FAT4: variants seen among roughly 807,000 people sequenced by gnomAD.
The protein encoded by FAT4 is FAT atypical cadherin 4, also known as protocadherin Fat 4.
A neutral mutation model predicts 303.9 loss-of-function variants in FAT4; 84 were observed. That is an observed-to-expected ratio of 0.28 (90% CI 0.23 to 0.33). FAT4 has a LOEUF of 0.33. Among genes scored for constraint, FAT4 ranks in the 10% least tolerant of loss-of-function variants. The pLI, the probability that FAT4 is intolerant of heterozygous loss-of-function variation, is 1.00. For missense variants in FAT4, 6,005 were observed against 6,146.8 expected (o/e 0.98, Z 0.77); for synonymous variants, 2,307 against 2,298.8 (o/e 1.00, Z -0.10).
intron 11 of FAT4, among the ~76,000 whole-genome samples, chr4:125,465,316 G>C (rs561381067): frequency 2.6e-5 from 4 of 152,270 alleles, no homozygotes; most frequent in South Asian, 4.1e-4. Context: ...CACAACTTGA[G>C]ATGTCCAAAA....
At chr4:125,357,417 A>C (rs78188548) in intron 2 of FAT4, among the ~76,000 whole-genome samples, 1 of 152,254 alleles carries the variant, frequency 6.6e-6, no homozygotes, top group African/African-American at 2.4e-5. Context: ...GGATAGATTT[A>C]TACCTTAACC....
rs1033380981 is a variant in FAT4 at position 125,315,283 on chromosome 4, C to A, written c.-707C>A. Among the ~76,000 whole-genome samples the A allele has an allele frequency of 2.0e-4, 31 of 152,100 alleles. No individual in the cohort carries two copies. The highest frequency in any genetic ancestry group is 7.0e-4 in the African/African-American group (29 of 41,434). On this transcript the variant is annotated 5_prime_UTR_variant, in exon 1 of 18. Transcript: ENST00000394329. ...AGCCCAGCGCCGACTTCGCCGCCTC[C>A]GCTGCCAACTGTGAAGGAGAGAGAG...
intron 2 of FAT4, among the ~76,000 whole-genome samples, chr4:125,351,179 C>T (rs886906900): frequency 1.3e-5 from 2 of 151,580 alleles, no homozygotes; most frequent in Non-Finnish European, 3.0e-5. Flanking sequence ...CATTCAAATG[C>T]AATTGATCAT....
chr4:125,378,925 A>G (rs1258850618), intron 2 of FAT4, among the ~76,000 whole-genome samples: 3 of 152,114 alleles, frequency 2.0e-5, no homozygotes, highest in Non-Finnish European at 4.4e-5. Flanking sequence ...TTATTGTAAA[A>G]CATTTATGAA....
chr4:125,363,036 A>G (rs1271830115), intron 2 of FAT4: 2 of 152,198 alleles, frequency 1.3e-5, no homozygotes, highest in Non-Finnish European at 2.9e-5. Context: ...TCATTTGAAA[A>G]AAAAAATTTA....
Position 125,451,307 on chromosome 4 carries a change from T to C in FAT4, c.10297T>C (p.Ser3433Pro). ...TGTGACCTTTGTCAGTGCCTTTGAC[T>C]CAGACTCCATCCCCAGCTGGAGCAG... ...THVTFVSAFD[S>P]DSIPSWSRFS... Residue 3433 changes from serine (S) to proline (P), a missense_variant, in exon 10 of 18, where the codon TCA becomes CCA. By Grantham distance (74) the Ser-to-Pro change is moderately conservative (BLOSUM62 -1). Transcript: ENST00000394329. The C allele has an allele frequency of 8.7e-6, 14 of 1,614,152 alleles. No homozygotes were observed. Among genetic ancestry groups the C allele is most frequent in the Non-Finnish European group, 1.2e-5 (14 of 1,180,022 alleles).
intron 10 of FAT4, among the ~76,000 whole-genome samples, chr4:125,461,216 A>G (rs908836548): frequency 2.0e-5 from 3 of 152,068 alleles, no homozygotes; most frequent in African/African-American, 7.2e-5. Context: ...AAAATATTTT[A>G]TACAGGGTTA....
chr4:125,335,265 G>T (rs1437918362), intron 2 of FAT4, among the ~76,000 whole-genome samples: 1 of 152,072 alleles, frequency 6.6e-6, no homozygotes, highest in South Asian at 2.1e-4. Flanking sequence ...AAGAAATTTT[G>T]TTGCTCAGCA....
chr4:125,491,017 A>C lies in FAT4; in HGVS notation c.14201A>C (p.Glu4734Ala). The change falls in exon 18 of 18, where the codon GAA (glutamate) becomes GCA (alanine). Residue 4734 changes from glutamate (E) to alanine (A), a missense_variant. Transcript: ENST00000394329. ...HLPIRDGNTLEMHGDTCQPGI... is the reference protein window; with the variant it reads ...HLPIRDGNTLAMHGDTCQPGI... ...CCTATAAGGGATGGTAATACTTTGG[A>C]AATGCATGGTGACACCTGCCAACCT... 6.2e-7 allele frequency: 1 copy of C among 1,614,188 alleles called. No homozygotes were observed. The highest frequency in any genetic ancestry group is 8.5e-7 in the Non-Finnish European group (1 of 1,180,026).
At chr4:125,458,527 T>C (rs1026428451) in intron 10 of FAT4, among the ~76,000 whole-genome samples, 3 of 151,950 alleles carry the variant, frequency 2.0e-5, no homozygotes, top group Admixed American at 2.0e-4. Context: ...GTGGCTCATG[T>C]AAGAGACAAT....
In FAT4 at chr4:125,490,030, T is replaced by G. The variant is rs531598470; in HGVS notation, c.13214T>G (p.Ile4405Ser). The change falls in exon 18 of 18, where the codon ATT (isoleucine) becomes AGT (serine). Residue 4405 changes from isoleucine to serine, a missense_variant. By Grantham distance (142) the Ile-to-Ser change is moderately radical. Coordinates refer to ENST00000394329, the MANE Select transcript of FAT4 (RefSeq NM_001291303.3). ...AAGATTGGCTGCCGTGGCCCGAACA[T>G]TTGTGCCAGCAACCCCTGCTGGGGT... ...SVKIGCRGPN[I>S]CASNPCWGDL... 6.2e-7 allele frequency: 1 copy of G among 1,613,884 alleles called. No individual in the cohort carries two copies. Among genetic ancestry groups the G allele is most frequent in the East Asian group, 2.2e-5 (1 of 44,836 alleles).
At position 125,491,721 on chromosome 4, in the gene FAT4, A is replaced by G. The variant is rs1429246335; in HGVS notation, c.14905A>G (p.Thr4969Ala). 3.7e-6 allele frequency: 6 copies of G among 1,613,962 alleles called. No homozygotes were observed. Among genetic ancestry groups the G allele is most frequent in the Middle Eastern group, 1.6e-4 (1 of 6,084 alleles). The change falls in exon 18 of 18, where the codon ACA (threonine) becomes GCA (alanine). Residue 4969 changes from threonine to alanine, a missense_variant. Coordinates refer to ENST00000394329, the MANE Select transcript of FAT4 (RefSeq NM_001291303.3). ...AAANEEGKAGTTKPVPKDGEA... is the reference protein window; with the variant it reads ...AAANEEGKAGATKPVPKDGEA... Reference sequence around the variant, plus strand: ...AGCAAATGAAGAAGGCAAAGCTGGGACAACTAAACCAGTCCCCAAAGATGG... The same window carrying G: ...AGCAAATGAAGAAGGCAAAGCTGGGGCAACTAAACCAGTCCCCAAAGATGG...
chr4:125,382,945 C>T (rs1292901201), intron 2 of FAT4, among the ~76,000 whole-genome samples: 2 of 152,202 alleles, frequency 1.3e-5, no homozygotes, highest in African/African-American at 4.8e-5. Context: ...TAGCTTCCAA[C>T]TTTTCTTCTG....
intron 2 of FAT4, among the ~76,000 whole-genome samples, chr4:125,374,598 C>T (rs764776457): frequency 1.2e-4 from 19 of 152,168 alleles, no homozygotes; most frequent in South Asian, 2.1e-4. Flanking sequence ...CAAAGTTTTC[C>T]CTTTAAAGGG....
intron 2 of FAT4, among the ~76,000 whole-genome samples, chr4:125,395,856 A>G (rs1734149807): frequency 6.6e-6 from 1 of 152,150 alleles, no homozygotes; most frequent in African/African-American, 2.4e-5. Context: ...ACTAAAGCAA[A>G]AAGAAAGACT....
intron 3 of FAT4, among the ~76,000 whole-genome samples, chr4:125,399,838 A>C (rs893177235): frequency 1.3e-5 from 2 of 152,022 alleles, no homozygotes; most frequent in African/African-American, 4.8e-5. Context: ...TGTTTAGTAC[A>C]TTCTACTCAA....
chr4:125,425,516 G>A (rs1725057153), intron 7 of FAT4, among the ~76,000 whole-genome samples: 1 of 152,044 alleles, frequency 6.6e-6, no homozygotes, highest in Admixed American at 6.6e-5. Flanking sequence ...AAGTAAAATA[G>A]CTGGTAAAGT....
intron 2 of FAT4, among the ~76,000 whole-genome samples, chr4:125,375,392 C>G (rs1042448897): frequency 6.6e-6 from 1 of 152,152 alleles, no homozygotes; most frequent in African/African-American, 2.4e-5. Flanking sequence ...AGTCATGAAG[C>G]TTTTATTTTC....
In FAT4 at chr4:125,320,712, C is replaced by T. The variant is rs762476690; in HGVS notation, c.4301C>T (p.Pro1434Leu). The change falls in exon 2 of 18, where the codon CCC (proline) becomes CTC (leucine). Residue 1434 changes from proline (P) to leucine (L), a missense_variant. By Grantham distance (98) the Pro-to-Leu change is moderately conservative. Coordinates refer to ENST00000394329, the MANE Select transcript of FAT4 (RefSeq NM_001291303.3). ...DIFKSIVENIPIGTSVISVTA... is the reference protein window; with the variant it reads ...DIFKSIVENILIGTSVISVTA... ...TTCAAGTCTATTGTTGAGAACATTC[C>T]CATCGGTACATCTGTCATTTCAGTG... 6.2e-7 allele frequency: 1 copy of T among 1,613,890 alleles called. No individual in the cohort carries two copies. Among genetic ancestry groups the T allele is most frequent in the Non-Finnish European group, 8.5e-7 (1 of 1,179,906 alleles).
Sources: allele counts gnomAD v4.1 joint callset (sites outside exome capture counted in the v4.1 genomes callset), GRCh38; gene constraint gnomAD v4.1.1; transcripts MANE v1.5; gene names NCBI Gene and HGNC (gene_info 2026-07-23, HGNC 2026-07-21).